ATP11A: variants seen among roughly 807,000 people sequenced by gnomAD.
ATP11A encodes the protein ATPase phospholipid transporting 11A, also known as phospholipid-transporting ATPase IH.
ATP11A carries 81 observed loss-of-function variants against 154.4 expected under a neutral mutation model. The observed-to-expected ratio is 0.52, with a 90% CI of 0.44 to 0.63. The LOEUF is 0.63. Ranked by LOEUF, ATP11A falls within the 30% of genes least tolerant of loss-of-function variation. The pLI is 0.00. For synonymous variants in ATP11A, 623 were observed against 585.9 expected, an observed-to-expected ratio of 1.06 and a Z score of -0.91; for missense variants, 1,316 against 1,474.3, an observed-to-expected ratio of 0.89 and a Z score of 1.76.
rs73571035 is a variant in ATP11A at position 112,867,671 on chromosome 13, C to A, written c.2992-4064C>A. On this transcript the variant is annotated intron_variant, in intron 25 of 29. Transcript: ENST00000375645. Reference sequence around the variant, plus strand: ...CGAGGATTTCTACTAGCTCCTGTTTCCTGGTCTCTTCCGGCTGTACCCTCC... The same window carrying A: ...CGAGGATTTCTACTAGCTCCTGTTTACTGGTCTCTTCCGGCTGTACCCTCC... 9.2e-3 allele frequency among the ~76,000 whole-genome samples: 1,407 copies of A among 152,326 alleles called. 21 individuals carry two copies. Among genetic ancestry groups the A allele is most frequent in the African/African-American group, 0.032 (1,321 of 41,582 alleles).
At chr13:112,718,758 C>T (rs1214311507) in intron 1 of ATP11A, among the ~76,000 whole-genome samples, 1 of 151,912 alleles carries the variant, frequency 6.6e-6, no homozygotes, top group Non-Finnish European at 1.5e-5. Flanking sequence ...GCAACCTCCG[C>T]CTCCCAGGTT....
chr13:112,704,006 G>A (rs1162240850), intron 1 of ATP11A, among the ~76,000 whole-genome samples: 2 of 152,152 alleles, frequency 1.3e-5, no homozygotes, highest in East Asian at 1.9e-4. Context: ...GGAGGAGGAC[G>A]TCTTACCGTT....
At chr13:112,770,283 T>C (rs1470226958) in intron 1 of ATP11A, among the ~76,000 whole-genome samples, 1 of 152,198 alleles carries the variant, frequency 6.6e-6, no homozygotes, top group Non-Finnish European at 1.5e-5. Flanking sequence ...TGTTTCCAGA[T>C]CAAAGGGATG....
intron 8 of ATP11A, among the ~76,000 whole-genome samples, chr13:112,821,058 G>A (rs1042674774): frequency 4.6e-5 from 7 of 152,274 alleles, no homozygotes; most frequent in South Asian, 2.1e-4. Context: ...GTTTGCCTAC[G>A]TATATACTGT....
chr13:112,865,391 G>A (rs1423835146), intron 25 of ATP11A, among the ~76,000 whole-genome samples: 5 of 151,822 alleles, frequency 3.3e-5, no homozygotes, highest in African/African-American at 9.7e-5. Flanking sequence ...GCTTCTCAGC[G>A]GGGTCCATCA....
Position 112,875,577 on chromosome 13 carries a change from G to A in ATP11A, c.3162-199G>A, listed in dbSNP as rs1192985327. The stretch of plus-strand genomic sequence containing the variant: ...ATGACTTCATAGAATTCCTTCTCCC[G>A]TTCCTCTTACCCCAGCATTACCGGG... On this transcript the variant is annotated intron_variant, in intron 27 of 29. Transcript: ENST00000375645. This position sits in a 1 kb window ranked among gnomAD's most constrained non-coding sequence, Gnocchi z 4.1. Among the ~76,000 whole-genome samples the A allele has an allele frequency of 2.0e-5, 3 of 150,318 alleles. No individual in the cohort carries two copies. The highest frequency in any genetic ancestry group is 6.6e-5 in the Admixed American group (1 of 15,052).
rs1001777606 is a variant in ATP11A, at chr13:112,807,466, G to A, written c.333+1173G>A. On this transcript the variant is annotated intron_variant, in intron 4 of 29. Coordinates refer to ENST00000375645, the MANE Select transcript of ATP11A (RefSeq NM_015205.3). This position sits in a 1 kb window ranked among gnomAD's most constrained non-coding sequence, Gnocchi z 4.5. ...GCATGGCAGAACACAGCACAGTAAC[G>A]AAACGAACTGTGCTGCCTGGAGAAC... 1.3e-5 allele frequency among the ~76,000 whole-genome samples: 2 copies of A among 152,196 alleles called. No individual in the cohort carries two copies. The highest frequency in any genetic ancestry group is 2.1e-4 in the South Asian group (1 of 4,834).
intron 5 of ATP11A, among the ~76,000 whole-genome samples, chr13:112,813,975 A>AT (rs1363082150): frequency 2.6e-5 from 4 of 152,034 alleles, no homozygotes; most frequent in Non-Finnish European, 1.5e-5. Context: ...CAGATATATG[A>AT]TTTTTAATAC....
rs1459022977 is a variant in ATP11A, at chr13:112,844,898, G to A, written c.1809+2519G>A. The stretch of plus-strand genomic sequence containing the variant: ...ATCAGTCCAGTTGCCGACTGCTAGC[G>A]GTACTAGTCCAGTTACTGGGCACTA... On this transcript the variant is annotated intron_variant, in intron 17 of 29. Transcript: ENST00000375645. Among the ~76,000 whole-genome samples the A allele has an allele frequency of 6.9e-5, 10 of 145,694 alleles. No individual in the cohort carries two copies. In the South Asian group the frequency reaches 1.0e-3, roughly 15 times the overall value.
chr13:112,809,508 C>T (rs948352834), intron 4 of ATP11A, among the ~76,000 whole-genome samples: 2 of 152,144 alleles, frequency 1.3e-5, no homozygotes, highest in Non-Finnish European at 2.9e-5. Context: ...GCAGCGGGCC[C>T]GTGGCACAGG....
intron 1 of ATP11A, among the ~76,000 whole-genome samples, chr13:112,741,401 C>G (rs576426102): frequency 6.6e-5 from 10 of 150,646 alleles, no homozygotes; most frequent in Admixed American, 4.6e-4. Flanking sequence ...GGCAGCCACA[C>G]TGGGGTGGAG....
At chr13:112,725,488 C>T (rs1007114071) in intron 1 of ATP11A, among the ~76,000 whole-genome samples, 21 of 152,330 alleles carry the variant, frequency 1.4e-4, no homozygotes, top group Admixed American at 3.9e-4. Context: ...CCACACCAGT[C>T]TGGAGTGATA....
rs1359341048 is a variant in ATP11A at position 112,834,598 on chromosome 13, T to C, written c.1569T>C (p.Phe523=). 3.1e-6 allele frequency: 5 copies of C among 1,613,694 alleles called. No homozygotes were observed. The highest frequency in any genetic ancestry group is 4.2e-6 in the Non-Finnish European group (5 of 1,179,586). ...ALVEGVQRLG[F]TYLRLKDNYM... ...TCCCTTCTCATTGCAGACTTGGCTT[T>C]ACCTACCTAAGGCTGAAGGACAATT... Residue 523 remains phenylalanine, a synonymous_variant, in exon 15 of 30, where the codon TTT becomes TTC. Transcript: ENST00000375645.
intron 25 of ATP11A, among the ~76,000 whole-genome samples, chr13:112,866,392 G>A (rs1023819557): frequency 4.6e-5 from 7 of 152,018 alleles, no homozygotes; most frequent in Non-Finnish European, 1.0e-4. Flanking sequence ...GCCATGTCAG[G>A]GTGGCCCATT....
At chr13:112,777,578 A>G (rs1423731111) in intron 1 of ATP11A, among the ~76,000 whole-genome samples, 3 of 152,176 alleles carry the variant, frequency 2.0e-5, no homozygotes, top group Non-Finnish European at 4.4e-5. Context: ...AAATATATAT[A>G]ATAACATAAT....
In ATP11A at chr13:112,875,288, G is replaced by A. The variant is rs758586633; in HGVS notation, c.3162-488G>A. Among the ~76,000 whole-genome samples, 1 of 152,094 alleles carries A rather than the reference G, an allele frequency of 6.6e-6. No individual in the cohort carries two copies. The highest frequency in any genetic ancestry group is 1.5e-5 in the Non-Finnish European group (1 of 68,008). Reference sequence around the variant, plus strand: ...CGTATAGACGTGGACCTGTGGGCTCGGGCTGGCTGCGGGTCACTGGTCCCT... The same window carrying A: ...CGTATAGACGTGGACCTGTGGGCTCAGGCTGGCTGCGGGTCACTGGTCCCT... On this transcript the variant is annotated intron_variant, in intron 27 of 29. Coordinates refer to ENST00000375645, the MANE Select transcript of ATP11A (RefSeq NM_015205.3). The surrounding 1 kb of genome is among the most constrained non-coding windows in gnomAD (Gnocchi z 4.1).
chr13:112,780,040 G>T lies in ATP11A; in HGVS notation c.40-5095G>T, dbSNP rs139311953. On this transcript the variant is annotated intron_variant, in intron 1 of 29. Coordinates refer to ENST00000375645, the MANE Select transcript of ATP11A (RefSeq NM_015205.3). ...GATGGTGGTAGTTGTACAGATGAGT[G>T]ATATCTCTTGATGCCAAGGTGACTG... Among the ~76,000 whole-genome samples, 828 of 152,032 alleles carry T rather than the reference G, an allele frequency of 5.4e-3. 6 individuals carry two copies. The highest frequency in any genetic ancestry group is 0.018 in the African/African-American group (748 of 41,460).
intron 2 of ATP11A, 57 bp from the exon 3 acceptor site, chr13:112,804,900 A>G (rs973920333): frequency 3.2e-5 from 35 of 1,089,594 alleles, no homozygotes; most frequent in Non-Finnish European, 4.2e-5. Context: ...CCCTAGAGTA[A>G]CACTACAAGA....
chr13:112,817,079 A>G (rs1279193367), intron 6 of ATP11A, among the ~76,000 whole-genome samples: 6 of 152,236 alleles, frequency 3.9e-5, no homozygotes, highest in Non-Finnish European at 5.9e-5. Flanking sequence ...TGCTACAAGA[A>G]TTTTAATTGT....
Sources: gnomAD v4.1 joint callset for allele counts (sites outside exome capture counted in the v4.1 genomes callset) on GRCh38, gnomAD v4.1.1 for gene constraint, Gnocchi (gnomAD v3.1) non-coding constraint, MANE v1.5 for transcripts, NCBI Gene and HGNC (gene_info 2026-07-23, HGNC 2026-07-21) for gene names.